The following AGO2 variants were observed in gnomAD, a reference collection of about 807,000 sequenced individuals.
The protein encoded by AGO2 is argonaute RISC catalytic component 2, also known as protein argonaute-2.
Under a neutral mutation model 102.3 loss-of-function variants are expected in AGO2, and 5 were observed. The ratio of observed to expected loss-of-function variants is 0.05; its 90% confidence interval spans 0.03 to 0.10. The LOEUF is 0.10. AGO2 is among the 10% of genes least tolerant of loss of function. The pLI, the probability that AGO2 is intolerant of heterozygous loss-of-function variation, is 1.00. For synonymous variants in AGO2, 449 were observed against 473.1 expected (o/e 0.95, Z 0.66); for missense variants, 541 against 1,183.7 (o/e 0.46, Z 7.97).
chr8:140,613,153 T>G (rs577234865), intron 1 of AGO2, among the ~76,000 whole-genome samples: 7 of 150,726 alleles, frequency 4.6e-5, no homozygotes, highest in African/African-American at 1.7e-4. Flanking sequence ...TGAGCCGAGA[T>G]AGCGCCACTG....
At chr8:140,635,137 T>TCGGCCC (rs2074390046) in intron 1 of AGO2, among the ~76,000 whole-genome samples, 1 of 145,014 alleles carries the variant, frequency 6.9e-6, no homozygotes, top group Non-Finnish European at 1.5e-5. Flanking sequence ...GGCGGCCGCC[T>TCGGCCC]CGGCCCCGGC....
chr8:140,548,184 T>C (rs2072935065), intron 12 of AGO2, among the ~76,000 whole-genome samples: 1 of 151,608 alleles, frequency 6.6e-6, no homozygotes, highest in Admixed American at 6.6e-5. Flanking sequence ...GGCATGGCAG[T>C]GTGTGCCTGT....
Position 140,557,289 on chromosome 8 carries a change from T to C in AGO2, c.879-53A>G. 1 of 1,538,612 alleles carries C rather than the reference T, an allele frequency of 6.5e-7. No homozygotes were observed. The highest frequency in any genetic ancestry group is 1.4e-5 in the African/African-American group (1 of 72,546). On this transcript the variant is annotated intron_variant, in intron 7 of 18. Transcript: ENST00000220592. The surrounding 1 kb of genome is among the most constrained non-coding windows in gnomAD (Gnocchi z 5.9). Reference sequence around the variant, plus strand: ...GAGGGCATCCCGGAGCCCCTTCCCCTGCGCTGCTTTTCATTTGCGTTTGCT... The same window carrying C: ...GAGGGCATCCCGGAGCCCCTTCCCCCGCGCTGCTTTTCATTTGCGTTTGCT...
At chr8:140,621,099 T>G (rs2074211674) in intron 1 of AGO2, among the ~76,000 whole-genome samples, 1 of 152,084 alleles carries the variant, frequency 6.6e-6, no homozygotes, top group African/African-American at 2.4e-5. Context: ...CACGCCACAT[T>G]TGCTCCATCT....
rs2072546282 is a variant in AGO2, at chr8:140,528,982, C to A, written c.*3062G>T. 1 of 152,210 alleles carries A rather than the reference C, an allele frequency of 6.6e-6. No individual in the cohort carries two copies. The highest frequency in any genetic ancestry group is 6.5e-5 in the Admixed American group (1 of 15,274). 9.4% of individuals were successfully genotyped at this position (152,210 alleles called of 1,614,324 possible). On this transcript the variant is annotated 3_prime_UTR_variant, in exon 19 of 19. Transcript: ENST00000220592. This position sits in a 1 kb window ranked among gnomAD's most constrained non-coding sequence, Gnocchi z 4.5. ...TTTAAAAAGTGAACATGTAAAAACA[C>A]ACCAGGAAGAGTCCCAGTACAGAAA...
rs754082702 is a variant in AGO2 at position 140,562,404 on chromosome 8, C to T, written c.518+49G>A. The T allele has an allele frequency of 3.6e-5, 56 of 1,569,338 alleles. No homozygotes were observed. In the East Asian group the frequency reaches 7.0e-4, roughly 20 times the overall value. ...GATTTCAGACCCTGCGGGGGGCCCT[C>T]GGAGCTGCAGGGGAGTCCCCCGCCC... On this transcript the variant is annotated intron_variant, in intron 4 of 18. Transcript: ENST00000220592.
chr8:140,532,036 A>G lies in AGO2; in HGVS notation c.*8T>C, dbSNP rs2072606197. Reference sequence around the variant, plus strand: ...ACTCGGTACACAATCGCTAAACACTAAAACATGTCAAGCAAAGTACATGGT... The same window carrying G: ...ACTCGGTACACAATCGCTAAACACTGAAACATGTCAAGCAAAGTACATGGT... On this transcript the variant is annotated 3_prime_UTR_variant, in exon 19 of 19. Transcript: ENST00000220592. The G allele has an allele frequency of 6.2e-7, 1 of 1,613,280 alleles. No homozygotes were observed. The highest frequency in any genetic ancestry group is 1.1e-5 in the South Asian group (1 of 91,072).
Position 140,567,954 on chromosome 8 carries a change from T to C in AGO2, c.336+4858A>G, listed in dbSNP as rs2073314748. ...CAGCCCGGGCAATGTGGCAAAACTC[T>C]GTCCCTACAAAAAGAAAATTAGTGG... On this transcript the variant is annotated intron_variant, in intron 3 of 18. Transcript: ENST00000220592. The surrounding 1 kb of genome is among the most constrained non-coding windows in gnomAD (Gnocchi z 5.0). 6.6e-6 allele frequency among the ~76,000 whole-genome samples: 1 copy of C among 152,000 alleles called. No homozygotes were observed. Among genetic ancestry groups the C allele is most frequent in the Admixed American group, 6.6e-5 (1 of 15,266 alleles).
At chr8:140,582,767 T>A (rs1045369610) in intron 2 of AGO2, among the ~76,000 whole-genome samples, 2 of 152,218 alleles carry the variant, frequency 1.3e-5, no homozygotes, top group Non-Finnish European at 2.9e-5. Context: ...CAGCTATTTT[T>A]AAAAATTTAT....
chr8:140,555,193 A>G (rs2073073840), intron 10 of AGO2, among the ~76,000 whole-genome samples: 1 of 152,218 alleles, frequency 6.6e-6, no homozygotes, highest in Non-Finnish European at 1.5e-5. Context: ...TGTCCCTTCC[A>G]GCATGGTCAC....
intron 1 of AGO2, among the ~76,000 whole-genome samples, chr8:140,621,814 A>C (rs538521369): frequency 1.3e-5 from 2 of 152,282 alleles, no homozygotes; most frequent in Admixed American, 6.5e-5. Flanking sequence ...GGACGCGGAG[A>C]AACTGAACCC....
Position 140,540,015 on chromosome 8 carries a change from G to A in AGO2, c.2035-561C>T, listed in dbSNP as rs1230835496. ...AGAGGCAGGAGAACTGCTTGAACCCGGGAGGTGGAGGTTGCAGTGAGCCGA... is the reference window on the plus strand; with the variant it reads ...AGAGGCAGGAGAACTGCTTGAACCCAGGAGGTGGAGGTTGCAGTGAGCCGA... On this transcript the variant is annotated intron_variant, in intron 15 of 18. Transcript: ENST00000220592. The surrounding 1 kb of genome is among the most constrained non-coding windows in gnomAD (Gnocchi z 5.0). Among the ~76,000 whole-genome samples the A allele has an allele frequency of 1.3e-5, 2 of 152,166 alleles. No homozygotes were observed. Among genetic ancestry groups the A allele is most frequent in the African/African-American group, 2.4e-5 (1 of 41,418 alleles).
chr8:140,572,761 A>AGC, intron 3 of AGO2, 51 bp downstream of exon 3: 2 of 1,585,910 alleles, frequency 1.3e-6, no homozygotes, highest in Non-Finnish European at 1.7e-6. Flanking sequence ...AACATGTGTG[A>AGC]GCTTTACTTC....
chr8:140,625,212 G>A (rs758324240), intron 1 of AGO2, among the ~76,000 whole-genome samples: 3 of 152,132 alleles, frequency 2.0e-5, no homozygotes, highest in African/African-American at 4.8e-5. Flanking sequence ...ATCTCAGCTC[G>A]CTCCAACCTC....
At chr8:140,619,566 C>G (rs2074188322) in intron 1 of AGO2, among the ~76,000 whole-genome samples, 3 of 152,196 alleles carry the variant, frequency 2.0e-5, no homozygotes, top group Admixed American at 2.0e-4. Flanking sequence ...GCTCACTGCG[C>G]CGCAGAGCAC....
intron 1 of AGO2, among the ~76,000 whole-genome samples, chr8:140,590,112 G>A (rs989541553): frequency 3.9e-5 from 6 of 152,092 alleles, no homozygotes; most frequent in Non-Finnish European, 5.9e-5. Flanking sequence ...ATGAGCCCAC[G>A]GTGAGCCGAA....
intron 3 of AGO2, among the ~76,000 whole-genome samples, chr8:140,563,159 G>A (rs2073229822): frequency 6.6e-6 from 1 of 152,206 alleles, no homozygotes; most frequent in Non-Finnish European, 1.5e-5. Flanking sequence ...AGTGTCTGAG[G>A]AACACCGATG....
At chr8:140,601,193 C>T (rs943893033) in intron 1 of AGO2, among the ~76,000 whole-genome samples, 2 of 152,230 alleles carry the variant, frequency 1.3e-5, no homozygotes, top group African/African-American at 4.8e-5. Context: ...GGCCACAAGG[C>T]ACCCAATGCG....
At chr8:140,639,670 G>A (rs1323144664), upstream of AGO2, among the ~76,000 whole-genome samples, 2 of 152,162 alleles carry the variant, frequency 1.3e-5, no homozygotes, top group East Asian at 1.9e-4. Context: ...CTACTCAGGA[G>A]ACTGAGGTGG....
Sources: allele counts gnomAD v4.1 joint callset (sites outside exome capture counted in the v4.1 genomes callset), GRCh38; gene constraint gnomAD v4.1.1; non-coding constraint Gnocchi (gnomAD v3.1); transcripts MANE v1.5; gene names NCBI Gene and HGNC (gene_info 2026-07-23, HGNC 2026-07-21).